Variants in ATP11A observed in about 807,000 individuals in gnomAD.
ATP11A encodes ATPase phospholipid transporting 11A, also known as phospholipid-transporting ATPase IH.
ATP11A carries 81 observed loss-of-function variants against 154.4 expected under a neutral mutation model. The observed-to-expected ratio is 0.52, with a 90% CI of 0.44 to 0.63. ATP11A has a LOEUF of 0.63. ATP11A is among the 30% of genes least tolerant of loss of function. ATP11A has a pLI of 0.00. For missense variants in ATP11A, 1,316 were observed against 1,474.3 expected (o/e 0.89, Z 1.76); for synonymous variants, 623 against 585.9 (o/e 1.06, Z -0.91).
intron 1 of ATP11A, among the ~76,000 whole-genome samples, chr13:112,765,143 G>GCCGCCC (rs2077043451): frequency 1.8e-5 from 1 of 54,774 alleles, no homozygotes; most frequent in East Asian, 6.5e-4. Context: ...TGGCTGGCTT[G>GCCGCCC]CCCCCCCTCC....
chr13:112,759,386 C>T (rs1260564734), intron 1 of ATP11A, among the ~76,000 whole-genome samples: 2 of 152,174 alleles, frequency 1.3e-5, no homozygotes, highest in Admixed American at 1.3e-4. Context: ...GACTTCTGAC[C>T]GTCATGACGG....
intron 1 of ATP11A, among the ~76,000 whole-genome samples, chr13:112,772,505 A>T (rs2077249181): frequency 6.6e-6 from 1 of 151,996 alleles, no homozygotes; most frequent in Admixed American, 6.5e-5. Flanking sequence ...ACATCACCAC[A>T]ATCTAATTTT....
At chr13:112,777,499 G>C (rs2077376426) in intron 1 of ATP11A, among the ~76,000 whole-genome samples, 1 of 152,212 alleles carries the variant, frequency 6.6e-6, no homozygotes, top group Admixed American at 6.5e-5. Flanking sequence ...GGGAGGCGAA[G>C]GTTGCAGTGT....
chr13:112,797,672 A>C (rs1193479058), intron 2 of ATP11A, among the ~76,000 whole-genome samples: 1 of 152,258 alleles, frequency 6.6e-6, no homozygotes, highest in Admixed American at 6.5e-5. Flanking sequence ...TCTGTATCTC[A>C]TAAAATTATC....
intron 1 of ATP11A, among the ~76,000 whole-genome samples, chr13:112,731,608 C>T (rs1890487108): frequency 6.6e-6 from 1 of 152,144 alleles, no homozygotes; most frequent in Non-Finnish European, 1.5e-5. Flanking sequence ...AACTCATTGC[C>T]TATCGATGGC....
intron 12 of ATP11A, among the ~76,000 whole-genome samples, chr13:112,828,085 TG>T (rs2078978844): frequency 6.0e-5 from 5 of 83,482 alleles, no homozygotes; most frequent in South Asian, 3.7e-4. Context: ...GCGTTGAGTG[TG>T]GGGGAAAGCG....
rs140557932 is a variant in ATP11A, at chr13:112,791,692, T to G, written c.162+6435T>G. Among the ~76,000 whole-genome samples, 89 of 152,260 alleles carry G rather than the reference T, an allele frequency of 5.8e-4. No individual in the cohort carries two copies. In the East Asian group the frequency reaches 0.017, roughly 29 times the overall value. On this transcript the variant is annotated intron_variant, in intron 2 of 29. Coordinates refer to ENST00000375645, the MANE Select transcript of ATP11A (RefSeq NM_015205.3). ...CAGGCAGTGGCCTCGGTGGCTTCGC[T>G]CCGCCTGGCCCTGCTCCCTGGCTCT... is the stretch of plus-strand genomic sequence containing the variant.
chr13:112,730,045 A>G (rs1162659391), intron 1 of ATP11A, among the ~76,000 whole-genome samples: 2 of 152,220 alleles, frequency 1.3e-5, no homozygotes, highest in East Asian at 1.9e-4. Flanking sequence ...CTCTGTGTCC[A>G]TGCTAAGTGC....
At chr13:112,868,752 C>T (rs1933201) in intron 25 of ATP11A, among the ~76,000 whole-genome samples, 60,593 of 151,972 alleles carry the variant, frequency 0.4, 12,284 homozygotes, top group Middle Eastern at 0.46. Flanking sequence ...TCACATGGCT[C>T]TGAAGAGCTA....
intron 1 of ATP11A, among the ~76,000 whole-genome samples, chr13:112,763,360 CAG>C (rs940888410): frequency 2.0e-5 from 3 of 152,184 alleles, no homozygotes; most frequent in Non-Finnish European, 2.9e-5. Context: ...GACATTAAAA[CAG>C]AGACCTGAGA....
intron 1 of ATP11A, among the ~76,000 whole-genome samples, chr13:112,755,973 C>G (rs905658247): frequency 7.8e-5 from 11 of 140,952 alleles, no homozygotes; most frequent in Middle Eastern, 3.8e-3. Flanking sequence ...GCACTCAGAG[C>G]GGCTCCCAGA....
In ATP11A at chr13:112,765,599, A is replaced by G. The variant is rs369342958; in HGVS notation, c.40-19536A>G. Among the ~76,000 whole-genome samples the G allele has an allele frequency of 4.2e-3, 639 of 152,378 alleles. 4 individuals carry two copies. Among genetic ancestry groups the G allele is most frequent in the African/African-American group, 0.015 (609 of 41,594 alleles). On this transcript the variant is annotated intron_variant, in intron 1 of 29. Coordinates refer to ENST00000375645, the MANE Select transcript of ATP11A (RefSeq NM_015205.3). ...AGGAAGAAGCGCTCAGTCGATGTTC[A>G]TGGTGAGAACGAGGGTTGATCTTTT...
At chr13:112,812,775 T>A (rs551539841) in intron 5 of ATP11A, among the ~76,000 whole-genome samples, 1 of 152,334 alleles carries the variant, frequency 6.6e-6, no homozygotes, top group Non-Finnish European at 1.5e-5. Flanking sequence ...TTCCCTTCAG[T>A]GAGTTCAGAT....
rs1463968205 is a variant in ATP11A, at chr13:112,858,125, C to A, written c.2522-20C>A. 2 of 1,610,548 alleles carry A rather than the reference C, an allele frequency of 1.2e-6. No homozygotes were observed. Among genetic ancestry groups the A allele is most frequent in the Admixed American group, 1.7e-5 (1 of 59,908 alleles). Reference sequence around the variant, plus strand: ...GTGTGCAGAAAGCATTTCTTCAGCTCCTTCACCTCCGTCTTCTAGGTGTCA... The same window carrying A: ...GTGTGCAGAAAGCATTTCTTCAGCTACTTCACCTCCGTCTTCTAGGTGTCA... On this transcript the variant is annotated intron_variant, in intron 21 of 29. Coordinates refer to ENST00000375645, the MANE Select transcript of ATP11A (RefSeq NM_015205.3).
At chr13:112,726,219 G>A (rs372584863) in intron 1 of ATP11A, among the ~76,000 whole-genome samples, 17 of 150,642 alleles carry the variant, frequency 1.1e-4, no homozygotes, top group East Asian at 5.9e-4. Context: ...CACTGCATGC[G>A]TGCAGGGAGA....
At chr13:112,798,085 C>T (rs1299497252) in intron 2 of ATP11A, among the ~76,000 whole-genome samples, 1 of 152,118 alleles carries the variant, frequency 6.6e-6, no homozygotes, top group Non-Finnish European at 1.5e-5. Context: ...GGCAAAGGGG[C>T]AAACTCCCTC....
intron 18 of ATP11A, among the ~76,000 whole-genome samples, chr13:112,853,281 T>TACAC (rs71879208): frequency 2.0e-5 from 3 of 151,304 alleles, no homozygotes; most frequent in African/African-American, 7.3e-5. Context: ...CATATGTACA[T>TACAC]ACACACACAC....
rs112237020 is a variant in ATP11A, at chr13:112,691,534, A to C, written c.39+1079A>C. On this transcript the variant is annotated intron_variant, in intron 1 of 29. Coordinates refer to ENST00000375645, the MANE Select transcript of ATP11A (RefSeq NM_015205.3). ...GGAGAGGAAGAAAACTGTCCCAAGC[A>C]CAGCGTTTCCTGCCACTGTCTTGCA... Among the ~76,000 whole-genome samples the C allele has an allele frequency of 5.5e-3, 829 of 151,014 alleles. 8 individuals carry two copies. Among genetic ancestry groups the C allele is most frequent in the African/African-American group, 0.02 (801 of 41,044 alleles).
intron 1 of ATP11A, among the ~76,000 whole-genome samples, chr13:112,724,989 T>G (rs1396669934): frequency 1.3e-5 from 2 of 152,216 alleles, no homozygotes; most frequent in Non-Finnish European, 1.5e-5. Flanking sequence ...GCCTTGGACC[T>G]GGTCCCCACG....
Sources: allele counts gnomAD v4.1 joint callset (sites outside exome capture counted in the v4.1 genomes callset), GRCh38; gene constraint gnomAD v4.1.1; transcripts MANE v1.5; gene names NCBI Gene and HGNC (gene_info 2026-07-23, HGNC 2026-07-21).